The following HEPH variants were observed in gnomAD, a reference collection of about 807,000 sequenced individuals.
The protein encoded by HEPH is hephaestin.
HEPH carries 69 observed loss-of-function variants against 80.8 expected under a neutral mutation model. The ratio of observed to expected loss-of-function variants is 0.85; its 90% CI spans 0.70 to 1.04. The LOEUF (loss-of-function observed/expected upper bound fraction) is 1.04, where lower values mean the gene tolerates loss of function less well. HEPH is among the 50% of genes least tolerant of loss of function. The probability of loss-of-function intolerance (pLI) is 0.00; values close to 1 mark genes in which losing one functional copy is unlikely to be tolerated. For synonymous variants in HEPH, 431 were observed against 322.8 expected (o/e 1.34, Z -3.60); for missense variants, 1,115 against 891.3 (o/e 1.25, Z -3.20).
At chrX:66,219,902 G>A (rs2089565965) in intron 15 of HEPH, among the ~76,000 whole-genome samples, 1 of 111,575 alleles carries the variant, frequency 9.0e-6, no homozygotes, top group Non-Finnish European at 1.9e-5. Context: ...CACAGAGTTT[G>A]CAACTTTGGG....
chrX:66,186,447 G>T (rs1046099785), intron 4 of HEPH, among the ~76,000 whole-genome samples: 1 of 112,233 alleles, frequency 8.9e-6, no homozygotes, highest in Admixed American at 9.3e-5. Context: ...CAATATTCGG[G>T]TGGGAGTGAC....
intron 1 of HEPH, among the ~76,000 whole-genome samples, chrX:66,169,486 G>A (rs181514301): frequency 8.1e-5 from 9 of 111,463 alleles, no homozygotes; most frequent in Admixed American, 4.8e-4. Flanking sequence ...GAAGTCTAAC[G>A]TCCTGTCTTA....
intron 11 of HEPH, among the ~76,000 whole-genome samples, chrX:66,199,354 C>T (rs186212141): frequency 9.9e-6 from 1 of 100,711 alleles, no homozygotes; most frequent in Non-Finnish European, 2.0e-5. Context: ...ATTTTAGTAC[C>T]TTGGGTCCCC....
Position 66,164,278 on chromosome X carries a change from C to A in HEPH, c.-206C>A. The stretch of plus-strand genomic sequence containing the variant: ...GTAGTTTTGTTTCTGGAAAAGAGGG[C>A]ACCCAGCCCTTCCCCCTCCCTCATC... On this transcript the variant is annotated 5_prime_UTR_variant, in exon 1 of 21. Coordinates refer to ENST00000343002, the MANE Select transcript of HEPH (RefSeq NM_001367233.3). The A allele has an allele frequency of 1.3e-6, 1 of 752,260 alleles. No individual in the cohort carries two copies. Among genetic ancestry groups the A allele is most frequent in the Non-Finnish European group, 1.6e-6 (1 of 637,686 alleles). The allele number at this position is 752,260 out of a possible 1,213,427, so 62.0% of individuals were successfully genotyped here.
At position 66,203,594 on chromosome X, in the gene HEPH, GGA is replaced by G; in HGVS notation, c.2291+22_2291+23del. ...GAAGGACAGGTAAGGCTTCATAAAT[GGA>G]GAGATTACACTTTTAGAAAAACATT... On this transcript the variant is annotated intron_variant, in intron 13 of 20. Transcript: ENST00000343002. The G allele has an allele frequency of 8.5e-7, 1 of 1,180,723 alleles. No homozygotes were observed. Among genetic ancestry groups the G allele is most frequent in the Non-Finnish European group, 1.1e-6 (1 of 869,589 alleles).
At chrX:66,220,348 T>A (rs1218750456) in intron 15 of HEPH, among the ~76,000 whole-genome samples, 1 of 111,369 alleles carries the variant, frequency 9.0e-6, no homozygotes, top group Non-Finnish European at 1.9e-5. Context: ...TTTATAAACT[T>A]CTCCTCAAAC....
chrX:66,221,325 G>T (rs1479095798), intron 15 of HEPH, among the ~76,000 whole-genome samples: 1 of 112,297 alleles, frequency 8.9e-6, no homozygotes, highest in Non-Finnish European at 1.9e-5. Context: ...TGGGAGCAAG[G>T]TGGCGGGATT....
At chrX:66,208,340 C>A in intron 15 of HEPH, 94 bp downstream of exon 15, 1 of 869,020 alleles carries the variant, frequency 1.2e-6, no homozygotes, top group Non-Finnish European at 1.6e-6. Context: ...GTACTTCAGA[C>A]TGGAGTGATA....
intron 12 of HEPH, among the ~76,000 whole-genome samples, chrX:66,202,861 G>A (rs1186538942): frequency 9.6e-6 from 1 of 104,469 alleles, no homozygotes; most frequent in Non-Finnish European, 1.9e-5. Flanking sequence ...TTACTGATGA[G>A]GGAACTGAAA....
At chrX:66,206,519 C>T (rs2088788851) in intron 13 of HEPH, among the ~76,000 whole-genome samples, 1 of 106,017 alleles carries the variant, frequency 9.4e-6, no homozygotes, top group Admixed American at 1.0e-4. Context: ...CAAGCCACTA[C>T]ACCCAGCTGA....
intron 15 of HEPH, among the ~76,000 whole-genome samples, chrX:66,210,097 G>A (rs888944499): frequency 3.6e-5 from 4 of 111,300 alleles, no homozygotes; most frequent in Admixed American, 2.9e-4. Context: ...CAATTTTTAA[G>A]GGAGGTACCG....
intron 5 of HEPH, among the ~76,000 whole-genome samples, chrX:66,189,063 A>C (rs5919021): frequency 8.9e-6 from 1 of 112,397 alleles, no homozygotes; most frequent in Non-Finnish European, 1.9e-5. Context: ...GCACAGAAGA[A>C]CCGAGGCATG....
chrX:66,204,200 T>G (rs2088637467), intron 13 of HEPH, among the ~76,000 whole-genome samples: 1 of 111,806 alleles, frequency 8.9e-6, no homozygotes, highest in African/African-American at 3.3e-5. Flanking sequence ...ATATATCACT[T>G]TTTCTTATAC....
chrX:66,197,871 G>T lies in HEPH; in HGVS notation c.1690G>T (p.Ala564Ser). ...VGPLLVCRAGALGADGKQKGV... is the reference protein window; with the variant it reads ...VGPLLVCRAGSLGADGKQKGV... ...CCCGCTGCTGGTGTGCAGGGCTGGT[G>T]CCTTGGGTGCAGATGGCAAGCAGGT... is the stretch of plus-strand genomic sequence containing the variant. The change falls in exon 10 of 21, where the codon GCC (alanine) becomes TCC (serine). Residue 564 changes from alanine to serine, a missense_variant. By Grantham distance (99) the Ala-to-Ser change is moderately conservative. Transcript: ENST00000343002. 5 of 1,202,286 alleles carry T rather than the reference G, an allele frequency of 4.2e-6. No homozygotes were observed.
In HEPH at chrX:66,164,303, C is replaced by T. The variant is rs769893942; in HGVS notation, c.-181C>T. 15 of 751,079 alleles carry T rather than the reference C, an allele frequency of 2.0e-5. No individual in the cohort carries two copies. Among genetic ancestry groups the T allele is most frequent in the Non-Finnish European group, 2.4e-5 (15 of 638,076 alleles). 61.9% of individuals were successfully genotyped at this position (751,079 alleles called of 1,213,427 possible). On this transcript the variant is annotated 5_prime_UTR_variant, in exon 1 of 21. Transcript: ENST00000343002. ...CACCCAGCCCTTCCCCCTCCCTCAT[C>T]CTCCCATCCCAGTAAACCCTGCCAA...
chrX:66,201,050 G>A (rs746455297), intron 12 of HEPH, among the ~76,000 whole-genome samples: 1 of 110,792 alleles, frequency 9.0e-6, no homozygotes, highest in East Asian at 2.8e-4. Context: ...GGCAGGGAGT[G>A]GACTTGACAA....
chrX:66,207,451 T>A (rs1202239398), intron 14 of HEPH, 117 bp downstream of exon 14: 15 of 455,466 alleles, frequency 3.3e-5, no homozygotes, highest in East Asian at 1.3e-4. Context: ...TATGATATAC[T>A]GGAATTATGG....
At chrX:66,173,494 A>G (rs2086677345) in intron 3 of HEPH, 95 bp from the exon 4 acceptor site, 1 of 564,924 alleles carries the variant, frequency 1.8e-6, no homozygotes, top group African/African-American at 2.3e-5. Context: ...ATAAGACTGG[A>G]CCTAGGGTTC....
At chrX:66,178,574 G>A (rs1351006243) in intron 4 of HEPH, among the ~76,000 whole-genome samples, 13 of 112,125 alleles carry the variant, frequency 1.2e-4, no homozygotes, top group Non-Finnish European at 1.9e-4. Context: ...GTGTAAGAGT[G>A]TTCCTATTTC....
Sources: gnomAD v4.1 joint callset for allele counts (sites outside exome capture counted in the v4.1 genomes callset) on GRCh38, gnomAD v4.1.1 for gene constraint, MANE v1.5 for transcripts, NCBI Gene and HGNC (gene_info 2026-07-23, HGNC 2026-07-21) for gene names.